Variants in C17orf107 observed in about 807,000 individuals in gnomAD.
C17orf107 encodes the protein uncharacterized protein C17orf107.
C17orf107 carries 9 observed loss-of-function variants against 8.9 expected under a neutral mutation model. The observed-to-expected ratio is 1.02, with a 90% CI of 0.61 to 1.77. The LOEUF is 1.77. Among genes scored for constraint, C17orf107 ranks in the 40% most tolerant of loss-of-function variants. The probability of loss-of-function intolerance (pLI) is 0.00; values close to 1 mark genes in which losing one functional copy is unlikely to be tolerated. For synonymous variants in C17orf107, 139 were observed against 120.3 expected, an observed-to-expected ratio of 1.16 and a Z score of -1.02; for missense variants, 281 against 249.0, an observed-to-expected ratio of 1.13 and a Z score of -0.86.
chr17:4,900,657 C>T lies in C17orf107; in HGVS notation c.*124C>T. The T allele has an allele frequency of 7.0e-7, 1 of 1,436,320 alleles. No individual in the cohort carries two copies. The highest frequency in any genetic ancestry group is 1.4e-5 in the African/African-American group (1 of 70,764). 89.0% of individuals were successfully genotyped at this position (1,436,320 alleles called of 1,614,324 possible). ...GACGGCGGACCAGGGACTCCATCCCCGTACCAGCCCCACCCAGCGTCCGAA... is the reference window on the plus strand; with the variant it reads ...GACGGCGGACCAGGGACTCCATCCCTGTACCAGCCCCACCCAGCGTCCGAA... On this transcript the variant is annotated 3_prime_UTR_variant, in exon 3 of 3. Transcript: ENST00000381365.
Position 4,900,470 on chromosome 17 carries a change from G to T in C17orf107, c.510G>T (p.Ser170=). Residue 170 remains serine, a synonymous_variant, in exon 3 of 3, where the codon TCG becomes TCT. Coordinates refer to ENST00000381365, the MANE Select transcript of C17orf107 (RefSeq NM_001145536.2). ...LQGSASFLRQ[S]QQQLGLGIPG... is the part of the protein sequence containing the mutation. Reference sequence around the variant, plus strand: ...GGTCTGCCTCATTCCTGCGACAGTCGCAACAGCAGCTAGGCCTCGGAATCC... The same window carrying T: ...GGTCTGCCTCATTCCTGCGACAGTCTCAACAGCAGCTAGGCCTCGGAATCC... 6.4e-7 allele frequency: 1 copy of T among 1,551,108 alleles called. No homozygotes were observed. The highest frequency in any genetic ancestry group is 8.7e-7 in the Non-Finnish European group (1 of 1,146,986).
Position 4,902,893 on chromosome 17 carries a change from T to A in C17orf107, c.*2360T>A. On this transcript the variant is annotated 3_prime_UTR_variant, in exon 3 of 3. Transcript: ENST00000381365. This position sits in a 1 kb window ranked among gnomAD's most constrained non-coding sequence, Gnocchi z 4.0. ...TATCAGTATCTGTCTCCTAAACCAA[T>A]TATGCTGTGCCTGGGAACGAAATAC... 21 of 1,581,832 alleles carry A rather than the reference T, an allele frequency of 1.3e-5. No individual in the cohort carries two copies. Among genetic ancestry groups the A allele is most frequent in the Non-Finnish European group, 1.8e-5 (21 of 1,151,638 alleles).
In C17orf107 at chr17:4,902,040, T is replaced by C; in HGVS notation, c.*1507T>C. 1.2e-6 allele frequency: 2 copies of C among 1,614,126 alleles called. No homozygotes were observed. Among genetic ancestry groups the C allele is most frequent in the Non-Finnish European group, 1.7e-6 (2 of 1,180,048 alleles). On this transcript the variant is annotated 3_prime_UTR_variant, in exon 3 of 3. Coordinates refer to ENST00000381365, the MANE Select transcript of C17orf107 (RefSeq NM_001145536.2). This position sits in a 1 kb window ranked among gnomAD's most constrained non-coding sequence, Gnocchi z 4.0. ...CAGCCACGTCACGGAGCCGCCCTCG[T>C]AGACGAGCACGTTGGCGTCGTAGGC...
rs1163011763 is a variant in C17orf107 at position 4,900,953 on chromosome 17, G to A, written c.*420G>A. On this transcript the variant is annotated 3_prime_UTR_variant, in exon 3 of 3. Transcript: ENST00000381365. ...AGCGGGCCCCGCCTCCCGGGAGCGA[G>A]CCCGGGTTTGGGGGTAGGTTCGGGG... 41 of 1,613,840 alleles carry A rather than the reference G, an allele frequency of 2.5e-5. No homozygotes were observed. The highest frequency in any genetic ancestry group is 3.5e-5 in the Non-Finnish European group (41 of 1,179,752).
rs1170431480 is a variant in C17orf107, at chr17:4,899,774, C to A, written c.12C>A (p.Thr4=). ...CACTTGTGGCGGCCATGAAGGGGAC[C>A]CCCAGCTCCCTGGACACCCTGATGT... MKG[T]PSSLDTLMWI... The change falls in exon 1 of 3, where the codon ACC becomes ACA. Residue 4 remains threonine (T), a synonymous_variant. Transcript: ENST00000381365. 1.9e-5 allele frequency: 30 copies of A among 1,551,200 alleles called. No individual in the cohort carries two copies. Among genetic ancestry groups the A allele is most frequent in the Middle Eastern group, 1.7e-4 (1 of 6,014 alleles).
chr17:4,901,300 G>A lies in C17orf107; in HGVS notation c.*767G>A. On this transcript the variant is annotated 3_prime_UTR_variant, in exon 3 of 3. Coordinates refer to ENST00000381365, the MANE Select transcript of C17orf107 (RefSeq NM_001145536.2). ...TCTGCACCAGGGTCATGGGCCGTCA[G>A]GATGGGGGCAATTACGGACAGAAAA... 8.0e-7 allele frequency: 1 copy of A among 1,250,808 alleles called. No homozygotes were observed. The highest frequency in any genetic ancestry group is 1.1e-6 in the Non-Finnish European group (1 of 880,392). The allele number at this position is 1,250,808 out of a possible 1,614,324, so 77.5% of individuals were successfully genotyped here.
intron 1 of C17orf107, 40 bp from the exon 2 acceptor site, chr17:4,899,896 A>G (rs765978613): frequency 2.5e-5 from 39 of 1,547,922 alleles, no homozygotes; most frequent in Non-Finnish European, 3.1e-5. Context: ...CGCCCCTGTG[A>G]CCCCTGCCCT....
downstream of C17orf107, among the ~76,000 whole-genome samples, chr17:4,905,548 G>A (rs141419236): frequency 9.3e-5 from 14 of 149,976 alleles, no homozygotes; most frequent in African/African-American, 2.5e-4. Context: ...GGTGACAAGC[G>A]AGACCCTATC....
rs367599263 is a variant in C17orf107, at chr17:4,901,891, C to CCCG, written c.*1360_*1361insGCC. ...TTGGCCCCGCCCCATAAGGCCCCCC[C>CCCG]CCAACAATAATCGTCCGGGCCTCGG... On this transcript the variant is annotated 3_prime_UTR_variant, in exon 3 of 3. Transcript: ENST00000381365. 2 of 1,606,302 alleles carry CCCG rather than the reference C, an allele frequency of 1.2e-6. No homozygotes were observed. Among genetic ancestry groups the CCCG allele is most frequent in the African/African-American group, 2.7e-5 (2 of 74,192 alleles).
chr17:4,901,669 G>T lies in C17orf107; in HGVS notation c.*1136G>T. On this transcript the variant is annotated 3_prime_UTR_variant, in exon 3 of 3. Transcript: ENST00000381365. ...GAGCCCACCCCAGAAGCTCTGACCT[G>T]GGCCCCGGCCTCAGGCCCAGCCCTG... 1.3e-6 allele frequency: 2 copies of T among 1,574,060 alleles called. No homozygotes were observed. The highest frequency in any genetic ancestry group is 1.1e-5 in the South Asian group (1 of 90,182).
chr17:4,901,167 A>T lies in C17orf107; in HGVS notation c.*634A>T. On this transcript the variant is annotated 3_prime_UTR_variant, in exon 3 of 3. Transcript: ENST00000381365. ...TGGCGGCGGATCACCCCCGGGCAGA[A>T]GTCGATGGCCCACTCGCCGTTCTCT... 6.2e-7 allele frequency: 1 copy of T among 1,607,858 alleles called. No homozygotes were observed. The highest frequency in any genetic ancestry group is 8.5e-7 in the Non-Finnish European group (1 of 1,179,564).
In C17orf107 at chr17:4,901,844, C is replaced by CCCCGAGGG; in HGVS notation, c.*1313_*1320dup. 1 of 1,581,282 alleles carries CCCCGAGGG rather than the reference C, an allele frequency of 6.3e-7. No homozygotes were observed. Among genetic ancestry groups the CCCCGAGGG allele is most frequent in the East Asian group, 2.2e-5 (1 of 44,672 alleles). On this transcript the variant is annotated 3_prime_UTR_variant, in exon 3 of 3. Coordinates refer to ENST00000381365, the MANE Select transcript of C17orf107 (RefSeq NM_001145536.2). ...GCTCCGCCTCCAGCGCGAAGCCCCG[C>CCCCGAGGG]CCCGAGGGCGGTGCTTCCCGGTTGG... is the stretch of plus-strand genomic sequence containing the variant.
At chr17:4,906,072 TTCTCG>T (rs1281945168), downstream of C17orf107, among the ~76,000 whole-genome samples, 1 of 152,216 alleles carries the variant, frequency 6.6e-6, no homozygotes, top group Admixed American at 6.5e-5. Context: ...AGTTTCTGCT[TTCTCG>T]TCACCTGTGC....
rs1480641132 is a variant in C17orf107, at chr17:4,900,967, G to A, written c.*434G>A. 1.9e-6 allele frequency: 3 copies of A among 1,613,822 alleles called. No homozygotes were observed. On this transcript the variant is annotated 3_prime_UTR_variant, in exon 3 of 3. Coordinates refer to ENST00000381365, the MANE Select transcript of C17orf107 (RefSeq NM_001145536.2). The stretch of plus-strand genomic sequence containing the variant: ...CCCGGGAGCGAGCCCGGGTTTGGGG[G>A]TAGGTTCGGGGCCACTGCTTACCCT...
Position 4,902,678 on chromosome 17 carries a change from C to G in C17orf107, c.*2145C>G. 6.2e-7 allele frequency: 1 copy of G among 1,614,116 alleles called. No homozygotes were observed. The highest frequency in any genetic ancestry group is 8.5e-7 in the Non-Finnish European group (1 of 1,180,002). Reference sequence around the variant, plus strand: ...GGCTGATGGTGACAGTATCCTCAGGCTCCCGCACTGGCCGGCTTCCTGGGT... The same window carrying G: ...GGCTGATGGTGACAGTATCCTCAGGGTCCCGCACTGGCCGGCTTCCTGGGT... On this transcript the variant is annotated 3_prime_UTR_variant, in exon 3 of 3. Coordinates refer to ENST00000381365, the MANE Select transcript of C17orf107 (RefSeq NM_001145536.2). This position sits in a 1 kb window ranked among gnomAD's most constrained non-coding sequence, Gnocchi z 4.0.
rs1969972830 is a variant in C17orf107 at position 4,901,156 on chromosome 17, CCCCGGGCAGAAGTCGATGG to C, written c.*627_*645del. 1.9e-6 allele frequency: 3 copies of C among 1,609,766 alleles called. No individual in the cohort carries two copies. In the Admixed American group the frequency reaches 5.0e-5, roughly 27 times the overall value. ...CGCCACCGTGGTGGCGGCGGATCACCCCCGGGCAGAAGTCGATGGCCCACTCGCCGTTCTCTGCGGGACG... is the reference window on the plus strand; with the variant it reads ...CGCCACCGTGGTGGCGGCGGATCACCCCCACTCGCCGTTCTCTGCGGGACG... On this transcript the variant is annotated 3_prime_UTR_variant, in exon 3 of 3. Coordinates refer to ENST00000381365, the MANE Select transcript of C17orf107 (RefSeq NM_001145536.2).
Position 4,902,148 on chromosome 17 carries a change from T to A in C17orf107, c.*1615T>A. The A allele has an allele frequency of 1.2e-6, 2 of 1,611,700 alleles. No homozygotes were observed. The highest frequency in any genetic ancestry group is 1.7e-6 in the Non-Finnish European group (2 of 1,179,126). On this transcript the variant is annotated 3_prime_UTR_variant, in exon 3 of 3. Transcript: ENST00000381365. This position sits in a 1 kb window ranked among gnomAD's most constrained non-coding sequence, Gnocchi z 4.0. ...TCTGCACCCTCTCAGAGTACCCCCTTCCCCAACCAAGTCCAGCCCGCACCC... is the reference window on the plus strand; with the variant it reads ...TCTGCACCCTCTCAGAGTACCCCCTACCCCAACCAAGTCCAGCCCGCACCC...
downstream of C17orf107, among the ~76,000 whole-genome samples, chr17:4,904,698 C>T (rs377763096): frequency 5.9e-5 from 9 of 152,312 alleles, no homozygotes; most frequent in Non-Finnish European, 8.8e-5. Flanking sequence ...CTATTGATCT[C>T]GCACACCTGT....
chr17:4,901,904 G>T lies in C17orf107; in HGVS notation c.*1371G>T, dbSNP rs780394697. 2 of 1,503,278 alleles carry T rather than the reference G, an allele frequency of 1.3e-6. No individual in the cohort carries two copies. The highest frequency in any genetic ancestry group is 1.8e-6 in the Non-Finnish European group (2 of 1,091,968). The allele number at this position is 1,503,278 out of a possible 1,614,324, so 93.1% of individuals were successfully genotyped here. A position where few individuals can be genotyped will look rare whatever the true frequency, so the allele number is the denominator to read the frequency against. Reference sequence around the variant, plus strand: ...ATAAGGCCCCCCCCCAACAATAATCGTCCGGGCCTCGGAGTAGCTCTTCCC... The same window carrying T: ...ATAAGGCCCCCCCCCAACAATAATCTTCCGGGCCTCGGAGTAGCTCTTCCC... On this transcript the variant is annotated 3_prime_UTR_variant, in exon 3 of 3. Transcript: ENST00000381365.
Sources: gnomAD v4.1 joint callset for allele counts (sites outside exome capture counted in the v4.1 genomes callset) on GRCh38, gnomAD v4.1.1 for gene constraint, Gnocchi (gnomAD v3.1) non-coding constraint, MANE v1.5 for transcripts, NCBI Gene and HGNC (gene_info 2026-07-23, HGNC 2026-07-21) for gene names.